Variants in ERG28 observed in about 807,000 individuals in gnomAD.
The protein encoded by ERG28 is ergosterol biosynthetic protein 28 homolog.
ERG28 carries 9 observed loss-of-function variants against 15.7 expected under a neutral mutation model. The observed-to-expected ratio is 0.57, with a 90% confidence interval of 0.35 to 1.00. The LOEUF (loss-of-function observed/expected upper bound fraction) is 1.00. Among genes scored for constraint, ERG28 ranks in the 50% least tolerant of loss-of-function variants. The pLI is 0.02. For synonymous variants in ERG28, 61 were observed against 68.4 expected (o/e 0.89, Z 0.53); for missense variants, 117 against 173.3 (o/e 0.68, Z 1.82).
chr14:75,656,279 A>AACACACACACACACACACACAC (rs34053718), intron 2 of ERG28, among the ~76,000 whole-genome samples: 1 of 135,892 alleles, frequency 7.4e-6, no homozygotes, highest in Non-Finnish European at 1.6e-5. Flanking sequence ...GTGCTGGCTG[A>AACACACACACACACACACACAC]ACACACACAC....
chr14:75,655,561 T>G (rs903683178), intron 2 of ERG28, among the ~76,000 whole-genome samples: 10 of 152,370 alleles, frequency 6.6e-5, no homozygotes, highest in Non-Finnish European at 1.2e-4. Context: ...TGGTGTTTGC[T>G]GGGGGCATCC....
chr14:75,658,252 A>G (rs889717855), intron 1 of ERG28, among the ~76,000 whole-genome samples: 4 of 152,336 alleles, frequency 2.6e-5, no homozygotes, highest in Admixed American at 2.6e-4. Flanking sequence ...TCTTTGTGCA[A>G]TAAGATACCA....
rs1890577404 is a variant in ERG28, at chr14:75,654,905, T to C, written c.205A>G (p.Ile69Val). 4 of 1,613,800 alleles carry C rather than the reference T, an allele frequency of 2.5e-6. No homozygotes were observed. Among genetic ancestry groups the C allele is most frequent in the Non-Finnish European group, 1.7e-6 (2 of 1,179,766 alleles). The stretch of plus-strand genomic sequence containing the variant: ...ACATACGTCTTGTTGTGAATGTCAA[T>C]GGCACAGAGGCAGCGAATCACTGAT... ...LSSVIRCLCA[I>V]DIHNKTLYHI... is the part of the protein sequence containing the mutation. Residue 69 changes from isoleucine to valine, a missense_variant, in exon 3 of 5, where the codon ATT (isoleucine) becomes GTT (valine). Ile to Val is a conservative substitution (Grantham distance 29). Coordinates refer to ENST00000256319, the MANE Select transcript of ERG28 (RefSeq NM_007176.4).
chr14:75,650,167 C>T lies in ERG28; in HGVS notation c.*1388G>A, dbSNP rs1890505120. The T allele has an allele frequency of 6.6e-6, 1 of 152,156 alleles. No individual in the cohort carries two copies. Among genetic ancestry groups the T allele is most frequent in the Admixed American group, 6.6e-5 (1 of 15,266 alleles). 9.4% of individuals were successfully genotyped at this position (152,156 alleles called of 1,614,324 possible). On this transcript the variant is annotated 3_prime_UTR_variant, in exon 5 of 5. Coordinates refer to ENST00000256319, the MANE Select transcript of ERG28 (RefSeq NM_007176.4). Reference sequence around the variant, plus strand: ...CTGTCTCTAAAAAACAAAAAAATCCCATCTCCTCAGGGAGGACTTTCTGAT... The same window carrying T: ...CTGTCTCTAAAAAACAAAAAAATCCTATCTCCTCAGGGAGGACTTTCTGAT...
At chr14:75,654,852 A>C in intron 3 of ERG28, 34 bp downstream of exon 3, 1 of 1,575,646 alleles carries the variant, frequency 6.3e-7, no homozygotes, top group Non-Finnish European at 8.7e-7. Context: ...ATTTCCAACA[A>C]AAGGATGCTA....
chr14:75,650,733 C>T lies in ERG28; in HGVS notation c.*822G>A, dbSNP rs975739421. On this transcript the variant is annotated 3_prime_UTR_variant, in exon 5 of 5. Transcript: ENST00000256319. ...ACTTCAAGAATACAAGAGGAATGAG[C>T]AAATGACAGTAAGGAGCCGGAGGCA... is the stretch of plus-strand genomic sequence containing the variant. The T allele has an allele frequency of 2.0e-5, 3 of 152,374 alleles. No individual in the cohort carries two copies. The highest frequency in any genetic ancestry group is 4.4e-5 in the Non-Finnish European group (3 of 68,052). 9.4% of individuals were successfully genotyped at this position (152,374 alleles called of 1,614,324 possible).
rs191575897 is a variant in ERG28, at chr14:75,651,192, T to C, written c.*363A>G. 113 of 183,162 alleles carry C rather than the reference T, an allele frequency of 6.2e-4. 2 individuals carry two copies. The highest frequency in any genetic ancestry group is 1.4e-3 in the East Asian group (10 of 7,396). 11.3% of individuals were successfully genotyped at this position (183,162 alleles called of 1,614,324 possible). A position where few individuals can be genotyped will look rare whatever the true frequency, so the allele number is the denominator to read the frequency against. On this transcript the variant is annotated 3_prime_UTR_variant, in exon 5 of 5. Transcript: ENST00000256319. ...GGTTTAAGTTTCATAGTTCACATGTTCCCACCACACAAGTCAAATCAAGGC... is the reference window on the plus strand; with the variant it reads ...GGTTTAAGTTTCATAGTTCACATGTCCCCACCACACAAGTCAAATCAAGGC...
At chr14:75,659,686 A>C (rs1234416245) in intron 1 of ERG28, among the ~76,000 whole-genome samples, 4 of 151,540 alleles carry the variant, frequency 2.6e-5, no homozygotes, top group African/African-American at 9.7e-5. Context: ...TCCCATCCTC[A>C]TTATTATTTT....
Position 75,651,753 on chromosome 14 carries a change from G to A in ERG28, c.343+18C>T. Reference sequence around the variant, plus strand: ...TGGCACAGCTCCTGTAGGAGGTCTAGGGTGGTTGGATGCTTACTTGCCACC... The same window carrying A: ...TGGCACAGCTCCTGTAGGAGGTCTAAGGTGGTTGGATGCTTACTTGCCACC... On this transcript the variant is annotated intron_variant, in intron 4 of 4. Transcript: ENST00000256319. 2 of 1,602,032 alleles carry A rather than the reference G, an allele frequency of 1.2e-6. No individual in the cohort carries two copies. Among genetic ancestry groups the A allele is most frequent in the South Asian group, 2.2e-5 (2 of 90,846 alleles).
chr14:75,656,359 A>G (rs561500756), intron 2 of ERG28, among the ~76,000 whole-genome samples: 3 of 151,864 alleles, frequency 2.0e-5, no homozygotes, highest in African/African-American at 7.2e-5. Context: ...TTTAAGTCAC[A>G]TGACCTCTGG....
At position 75,650,718 on chromosome 14, in the gene ERG28, TACA is replaced by T. The variant is rs59776172; in HGVS notation, c.*834_*836del. 27,331 of 152,198 alleles carry T rather than the reference TACA, an allele frequency of 0.18. 3,100 individuals carry two copies. Among genetic ancestry groups the T allele is most frequent in the African/African-American group, 0.33 (13,555 of 41,382 alleles). 9.4% of individuals were successfully genotyped at this position (152,198 alleles called of 1,614,324 possible). ...AAAAAAGAAGATTTGACTTCAAGAA[TACA>T]AGAGGAATGAGCAAATGACAGTAAG... On this transcript the variant is annotated 3_prime_UTR_variant, in exon 5 of 5. Coordinates refer to ENST00000256319, the MANE Select transcript of ERG28 (RefSeq NM_007176.4).
chr14:75,656,284 A>ACACT (rs777897384), intron 2 of ERG28, among the ~76,000 whole-genome samples: 223 of 96,798 alleles, frequency 2.3e-3, no homozygotes, highest in Non-Finnish European at 3.7e-3. Context: ...GGCTGAACAC[A>ACACT]CACACACACA....
intron 3 of ERG28, among the ~76,000 whole-genome samples, chr14:75,654,359 G>A (rs1453271061): frequency 1.3e-5 from 2 of 152,196 alleles, no homozygotes; most frequent in African/African-American, 2.4e-5. Flanking sequence ...CTGATTGCCT[G>A]CAATTGTTCC....
chr14:75,653,118 C>T (rs1890550897), intron 3 of ERG28, among the ~76,000 whole-genome samples: 2 of 152,038 alleles, frequency 1.3e-5, no homozygotes. Flanking sequence ...GCCACCCGCG[C>T]CTGGCCCATT....
At chr14:75,659,284 C>T (rs985636619) in intron 1 of ERG28, among the ~76,000 whole-genome samples, 1 of 152,142 alleles carries the variant, frequency 6.6e-6, no homozygotes, top group African/African-American at 2.4e-5. Context: ...AAAAGCATAC[C>T]ATATCCACTT....
At chr14:75,660,004 T>C (rs1476449821) in intron 1 of ERG28, among the ~76,000 whole-genome samples, 1 of 152,142 alleles carries the variant, frequency 6.6e-6, no homozygotes, top group Non-Finnish European at 1.5e-5. Flanking sequence ...GAGGGTCTAC[T>C]GGACATCACA....
intron 1 of ERG28, among the ~76,000 whole-genome samples, chr14:75,657,940 T>A (rs1890618974): frequency 6.6e-6 from 1 of 152,184 alleles, no homozygotes; most frequent in Non-Finnish European, 1.5e-5. Flanking sequence ...ACTATTTACA[T>A]CCCTAGGTTT....
chr14:75,658,222 A>G (rs566625740), intron 1 of ERG28, among the ~76,000 whole-genome samples: 97 of 152,352 alleles, frequency 6.4e-4, no homozygotes, highest in Middle Eastern at 3.4e-3. Context: ...AATAGAGATC[A>G]TAAGAATGAC....
rs1234148252 is a variant in ERG28 at position 75,654,966 on chromosome 14, G to A, written c.144C>T (p.Leu48=). The A allele has an allele frequency of 6.2e-7, 1 of 1,614,000 alleles. No individual in the cohort carries two copies. The highest frequency in any genetic ancestry group is 1.1e-5 in the South Asian group (1 of 91,082). ...TCCAGATCCCAAAGGTCCGAGCTTG[G>A]AGGCCATTCACTGTGTAGCAGAAAA... The part of the protein sequence containing the change: ...YTGKPNLVNG[L]QARTFGIWTL... Residue 48 remains leucine (L), a synonymous_variant, in exon 3 of 5, where the codon CTC becomes CTT. Coordinates refer to ENST00000256319, the MANE Select transcript of ERG28 (RefSeq NM_007176.4).
Sources: allele counts gnomAD v4.1 joint callset (sites outside exome capture counted in the v4.1 genomes callset), GRCh38; gene constraint gnomAD v4.1.1; transcripts MANE v1.5; gene names NCBI Gene and HGNC (gene_info 2026-07-23, HGNC 2026-07-21).